BCAS3: variants seen among roughly 807,000 people sequenced by gnomAD.
The protein encoded by BCAS3 is BCAS4/BCAS3 fusion.
In BCAS3, 53 loss-of-function variants were observed where a neutral mutation model predicts 116.1. That is an observed-to-expected ratio of 0.46 (90% CI 0.37 to 0.57). The LOEUF is 0.57. Among genes scored for constraint, BCAS3 ranks in the 20% least tolerant of loss-of-function variants. The pLI is 0.00. For missense variants in BCAS3, 917 were observed against 1,165.4 expected (o/e 0.79, Z 3.10); for synonymous variants, 391 against 408.2 (o/e 0.96, Z 0.51).
intron 7 of BCAS3, chr17:60,810,439 G>T (rs567862232): frequency 6.8e-6 from 4 of 588,350 alleles, no homozygotes; most frequent in East Asian, 7.2e-5. Flanking sequence ...CGATTGCCTG[G>T]CCTCCTGCCT....
intron 22 of BCAS3, among the ~76,000 whole-genome samples, chr17:61,096,895 C>T (rs567528472): frequency 1.8e-4 from 28 of 152,102 alleles, no homozygotes; most frequent in African/African-American, 5.3e-4. Flanking sequence ...TCACTGTGAG[C>T]GGTATATCAA....
At chr17:61,296,905 G>A (rs1214207047) in intron 22 of BCAS3, among the ~76,000 whole-genome samples, 1 of 152,226 alleles carries the variant, frequency 6.6e-6, no homozygotes, top group African/African-American at 2.4e-5. Context: ...TGATCATGGG[G>A]AGGTTGGGTT....
intron 7 of BCAS3, among the ~76,000 whole-genome samples, chr17:60,825,737 G>A (rs936706655): frequency 1.3e-5 from 2 of 151,474 alleles, no homozygotes; most frequent in Non-Finnish European, 2.9e-5. Context: ...GGCCTAGGGT[G>A]TTCTCTGCAA....
rs147209023 is a variant in BCAS3 at position 61,070,938 on chromosome 17, AAACAAC to A, written c.2030-3969_2030-3964del. On this transcript the variant is annotated intron_variant, in intron 19 of 23. Transcript: ENST00000407086. ...CCAAACACTTAACCACCTTTGACTA[AAACAAC>A]AACAACAACAACTACAACAAAAACT... is the stretch of plus-strand genomic sequence containing the variant. Among the ~76,000 whole-genome samples, 627 of 152,256 alleles carry A rather than the reference AAACAAC, an allele frequency of 4.1e-3. 21 individuals carry two copies. In the East Asian group the frequency reaches 0.086, roughly 21 times the overall value.
At chr17:61,033,054 A>T (rs1452992420) in intron 16 of BCAS3, among the ~76,000 whole-genome samples, 1 of 152,162 alleles carries the variant, frequency 6.6e-6, no homozygotes, top group Non-Finnish European at 1.5e-5. Flanking sequence ...ATGTCATAGG[A>T]ACTGGGAAAC....
chr17:60,849,693 C>A (rs2052890030), intron 7 of BCAS3, among the ~76,000 whole-genome samples: 3 of 152,112 alleles, frequency 2.0e-5, no homozygotes, highest in African/African-American at 7.2e-5. Context: ...GTAATCCCAG[C>A]ACTTTCAGAG....
rs2066707271 is a variant in BCAS3, at chr17:61,032,355, C to T, written c.1638-2311C>T. Among the ~76,000 whole-genome samples the T allele has an allele frequency of 6.6e-6, 1 of 152,122 alleles. No homozygotes were observed. Among genetic ancestry groups the T allele is most frequent in the African/African-American group, 2.4e-5 (1 of 41,440 alleles). On this transcript the variant is annotated intron_variant, in intron 16 of 23. Transcript: ENST00000407086. The surrounding 1 kb of genome is among the most constrained non-coding windows in gnomAD (Gnocchi z 4.6). ...ATTCTAGTAAAAGCACATAGTCGCACAATTGCAAACTGCTTTCAAAAAATT... is the reference window on the plus strand; with the variant it reads ...ATTCTAGTAAAAGCACATAGTCGCATAATTGCAAACTGCTTTCAAAAAATT...
At chr17:61,290,008 TG>T (rs2052230530) in intron 22 of BCAS3, among the ~76,000 whole-genome samples, 1 of 152,190 alleles carries the variant, frequency 6.6e-6, no homozygotes, top group Non-Finnish European at 1.5e-5. Context: ...CCAAAAGGTC[TG>T]GGACACTAAA....
chr17:61,048,475 TGAG>T (rs1281563735), intron 19 of BCAS3, among the ~76,000 whole-genome samples: 3 of 151,944 alleles, frequency 2.0e-5, no homozygotes. Context: ...CTCCCTCAGT[TGAG>T]GAGACAGAGC....
At position 61,214,740 on chromosome 17, in the gene BCAS3, A is replaced by G. The variant is rs1601950071; in HGVS notation, c.2425+130176A>G. 1.3e-5 allele frequency among the ~76,000 whole-genome samples: 2 copies of G among 152,320 alleles called. No individual in the cohort carries two copies. The highest frequency in any genetic ancestry group is 3.9e-4 in the East Asian group (2 of 5,184). ...ATTCAAAAACATTTTTTAATGAACTATAGGGATATTTTGATGGACTGTTCT... is the reference window on the plus strand; with the variant it reads ...ATTCAAAAACATTTTTTAATGAACTGTAGGGATATTTTGATGGACTGTTCT... On this transcript the variant is annotated intron_variant, in intron 22 of 23. Coordinates refer to ENST00000407086, the MANE Select transcript of BCAS3 (RefSeq NM_017679.5). This position sits in a 1 kb window ranked among gnomAD's most constrained non-coding sequence, Gnocchi z 4.4.
rs575055617 is a variant in BCAS3 at position 61,313,650 on chromosome 17, T to A, written c.2426-54677T>A. Among the ~76,000 whole-genome samples the A allele has an allele frequency of 6.6e-6, 1 of 152,290 alleles. No homozygotes were observed. The highest frequency in any genetic ancestry group is 2.4e-5 in the African/African-American group (1 of 41,576). On this transcript the variant is annotated intron_variant, in intron 22 of 23. Transcript: ENST00000407086. This position sits in a 1 kb window ranked among gnomAD's most constrained non-coding sequence, Gnocchi z 4.3. ...GCGTCCTCCCTCGGGTCCTGCTCGC[T>A]GAAGAGGTACAGCATCTGGAGGAGG... is the stretch of plus-strand genomic sequence containing the variant.
rs768653425 is a variant in BCAS3, at chr17:61,388,733, C to T, written c.2594-3244C>T. ...GGTAAGGCCACACGTTTCCATTTGC[C>T]GCTTGCTCGTAGGGCTGGGCGGCCG... On this transcript the variant is annotated intron_variant, in intron 23 of 23. Transcript: ENST00000407086. The surrounding 1 kb of genome is among the most constrained non-coding windows in gnomAD (Gnocchi z 6.5). The T allele has an allele frequency of 4.0e-5, 61 of 1,536,464 alleles. No homozygotes were observed. The highest frequency in any genetic ancestry group is 1.7e-4 in the East Asian group (7 of 41,032).
chr17:61,192,524 G>C (rs1229789652), intron 22 of BCAS3, among the ~76,000 whole-genome samples: 1 of 152,136 alleles, frequency 6.6e-6, no homozygotes, highest in Non-Finnish European at 1.5e-5. Context: ...TGAAAATTAG[G>C]TTGATGATAG....
intron 16 of BCAS3, among the ~76,000 whole-genome samples, chr17:61,022,420 A>G (rs1049597911): frequency 1.3e-4 from 19 of 151,690 alleles, no homozygotes; most frequent in African/African-American, 3.4e-4. Flanking sequence ...ATTTTTTTGT[A>G]TTTTTAGTAG....
At chr17:60,827,261 A>G (rs1170237320) in intron 7 of BCAS3, among the ~76,000 whole-genome samples, 1 of 152,246 alleles carries the variant, frequency 6.6e-6, no homozygotes, top group African/African-American at 2.4e-5. Context: ...GATACATGTT[A>G]GGTGTGCCTC....
intron 14 of BCAS3, among the ~76,000 whole-genome samples, chr17:60,971,774 T>C (rs1007620132): frequency 2.6e-5 from 4 of 152,226 alleles, no homozygotes; most frequent in African/African-American, 9.6e-5. Flanking sequence ...TCCATTTGAA[T>C]AGCGGTCCCT....
intron 5 of BCAS3, among the ~76,000 whole-genome samples, chr17:60,738,633 G>A (rs2041216997): frequency 6.6e-6 from 1 of 152,110 alleles, no homozygotes. Flanking sequence ...GTTGGATCTT[G>A]TGTTTTAATC....
chr17:61,049,766 CT>C (rs2068686170), intron 19 of BCAS3, among the ~76,000 whole-genome samples: 1 of 122,288 alleles, frequency 8.2e-6, no homozygotes, highest in African/African-American at 3.4e-5. Flanking sequence ...GAGTTTCACT[CT>C]TGTTGCCCAG....
In BCAS3 at chr17:60,773,646, GT is replaced by G. The variant is rs202032170; in HGVS notation, c.403+26376del. Among the ~76,000 whole-genome samples the G allele has an allele frequency of 2.7e-5, 4 of 150,832 alleles. No homozygotes were observed. In the East Asian group the frequency reaches 5.9e-4, roughly 22 times the overall value. ...CATCAGGTTTTTTTCTTATTGTTGA[GT>G]TTTTTTTTATTTATTCTTGAGACAG... On this transcript the variant is annotated intron_variant, in intron 6 of 23. Coordinates refer to ENST00000407086, the MANE Select transcript of BCAS3 (RefSeq NM_017679.5).
Sources: gnomAD v4.1 joint callset for allele counts (sites outside exome capture counted in the v4.1 genomes callset) on GRCh38, gnomAD v4.1.1 for gene constraint, Gnocchi (gnomAD v3.1) non-coding constraint, MANE v1.5 for transcripts, NCBI Gene and HGNC (gene_info 2026-07-23, HGNC 2026-07-21) for gene names.